IPO11: variants seen among roughly 807,000 people sequenced by gnomAD.
The protein encoded by IPO11 is importin-11.
IPO11 carries 66 observed loss-of-function variants against 143.2 expected under a neutral mutation model. The ratio of observed to expected loss-of-function variants is 0.46; its 90% CI spans 0.38 to 0.57. The LOEUF (loss-of-function observed/expected upper bound fraction) is 0.57. Among genes scored for constraint, IPO11 ranks in the 20% least tolerant of loss-of-function variants. The pLI, the probability that IPO11 is intolerant of heterozygous loss-of-function variation, is 0.00. For missense variants in IPO11, 1,026 were observed against 1,141.0 expected, an observed-to-expected ratio of 0.90 and a Z score of 1.45; for synonymous variants, 385 against 377.8, an observed-to-expected ratio of 1.02 and a Z score of -0.22.
intron 20 of IPO11, among the ~76,000 whole-genome samples, chr5:62,525,692 CT>C (rs1367578115): frequency 6.6e-6 from 1 of 152,164 alleles, no homozygotes; most frequent in African/African-American, 2.4e-5. Context: ...CCCCTAAAAT[CT>C]TTTTTAATGG....
intron 19 of IPO11, among the ~76,000 whole-genome samples, chr5:62,509,020 C>G (rs1346969555): frequency 6.6e-6 from 1 of 152,198 alleles, no homozygotes; most frequent in Non-Finnish European, 1.5e-5. Flanking sequence ...ATAGTGCTTT[C>G]TGACACATAC....
chr5:62,482,573 C>T (rs1336025429), intron 9 of IPO11, among the ~76,000 whole-genome samples: 4 of 152,136 alleles, frequency 2.6e-5, no homozygotes, highest in Non-Finnish European at 5.9e-5. Flanking sequence ...CTTATTTTAA[C>T]AGCTGTTGAT....
At chr5:62,487,506 C>G (rs560499323) in intron 12 of IPO11, among the ~76,000 whole-genome samples, 1 of 152,022 alleles carries the variant, frequency 6.6e-6, no homozygotes, top group Non-Finnish European at 1.5e-5. Flanking sequence ...GTACACTTTG[C>G]TTGCCATAGT....
intron 13 of IPO11, 36 bp from the exon 14 acceptor site, chr5:62,489,266 C>G (rs1561332022): frequency 8.0e-7 from 1 of 1,253,152 alleles, no homozygotes; most frequent in Non-Finnish European, 1.1e-6. Flanking sequence ...GTTTTATTTG[C>G]TTTTACTGAT....
chr5:62,424,607 TA>T (rs1325302966), intron 1 of IPO11, among the ~76,000 whole-genome samples: 2 of 151,560 alleles, frequency 1.3e-5, no homozygotes, highest in African/African-American at 4.8e-5. Context: ...TTTTAATTTT[TA>T]TTTTTTGTAG....
intron 29 of IPO11, among the ~76,000 whole-genome samples, chr5:62,610,441 A>G (rs1745886502): frequency 6.6e-6 from 1 of 152,190 alleles, no homozygotes; most frequent in Non-Finnish European, 1.5e-5. Context: ...TTTACTATTA[A>G]TTTTTATCCA....
At chr5:62,523,611 T>TGAA (rs1468063133) in intron 20 of IPO11, among the ~76,000 whole-genome samples, 5 of 152,164 alleles carry the variant, frequency 3.3e-5, no homozygotes, top group African/African-American at 4.8e-5. Flanking sequence ...TCTTCTTCTT[T>TGAA]GAAGAAGAAC....
chr5:62,528,431 C>G (rs1742435881), intron 21 of IPO11, among the ~76,000 whole-genome samples: 1 of 152,074 alleles, frequency 6.6e-6, no homozygotes, highest in Admixed American at 6.6e-5. Flanking sequence ...TGTTTGAGAG[C>G]TTTTACTATT....
intron 10 of IPO11, 114 bp from the exon 11 acceptor site, chr5:62,483,896 T>C (rs1403874309): frequency 2.4e-6 from 2 of 846,946 alleles, no homozygotes; most frequent in Non-Finnish European, 3.6e-6. Flanking sequence ...TGAAAATTTA[T>C]ACACAAGTGT....
chr5:62,486,260 G>A lies in IPO11; in HGVS notation c.1218+798G>A, dbSNP rs1022114033. The stretch of plus-strand genomic sequence containing the variant: ...CTCCCTAAGTGCTGGGATTACAGGC[G>A]TGAGCCACTGTGCCTGGCCTTTTCT... On this transcript the variant is annotated intron_variant, in intron 12 of 29. Transcript: ENST00000325324. Among the ~76,000 whole-genome samples the A allele has an allele frequency of 1.8e-4, 27 of 152,266 alleles. 1 individual carries two copies. Among genetic ancestry groups the A allele is most frequent in the African/African-American group, 5.5e-4 (23 of 41,564 alleles).
At chr5:62,559,129 G>T (rs989431971) in intron 26 of IPO11, among the ~76,000 whole-genome samples, 1 of 152,144 alleles carries the variant, frequency 6.6e-6, no homozygotes, top group Non-Finnish European at 1.5e-5. Context: ...GCTGCTGGCT[G>T]ATCAGGATGG....
intron 11 of IPO11, among the ~76,000 whole-genome samples, chr5:62,484,815 T>G (rs1746337844): frequency 6.6e-6 from 1 of 152,046 alleles, no homozygotes; most frequent in African/African-American, 2.4e-5. Flanking sequence ...TTTGTAATAC[T>G]TATCTTCGCC....
At chr5:62,504,822 CTT>C (rs763130140) in intron 17 of IPO11, 34 bp from the exon 18 acceptor site, 2 of 1,443,094 alleles carry the variant, frequency 1.4e-6, no homozygotes, top group East Asian at 2.3e-5. Flanking sequence ...TTTGATAAAA[CTT>C]ATATATTCTC....
intron 1 of IPO11, among the ~76,000 whole-genome samples, chr5:62,433,788 C>T (rs2112121761): frequency 6.6e-6 from 1 of 152,158 alleles, no homozygotes; most frequent in South Asian, 2.1e-4. Context: ...TTGCTGTGTG[C>T]ATTTATGTTC....
chr5:62,435,100 GTA>G lies in IPO11; in HGVS notation c.-6-2166_-6-2165del, dbSNP rs1338717489. Among the ~76,000 whole-genome samples the G allele has an allele frequency of 9.9e-3, 615 of 62,088 alleles. 12 individuals are homozygous for G. The highest frequency in any genetic ancestry group is 0.024 in the East Asian group (48 of 1,988). The allele number at this position is 62,088 out of a possible 152,430, so 40.7% of individuals were successfully genotyped here. ...TATATATGTGTATATATGTATATAT[GTA>G]TATATATGTATATATGTATATATGT... On this transcript the variant is annotated intron_variant, in intron 1 of 29. Transcript: ENST00000325324.
intron 20 of IPO11, among the ~76,000 whole-genome samples, chr5:62,519,453 G>A (rs1742135991): frequency 6.6e-6 from 1 of 152,018 alleles, no homozygotes; most frequent in Non-Finnish European, 1.5e-5. Flanking sequence ...AAGCATTGTA[G>A]GCATTACTTC....
intron 14 of IPO11, 77 bp downstream of exon 14, chr5:62,489,426 C>A: frequency 9.4e-7 from 1 of 1,058,594 alleles, no homozygotes; most frequent in Non-Finnish European, 1.4e-6. Flanking sequence ...AGATTTTGTG[C>A]TGAGGGTGTT....
chr5:62,550,960 A>T (rs1212870031), intron 25 of IPO11, among the ~76,000 whole-genome samples: 1 of 151,150 alleles, frequency 6.6e-6, no homozygotes, highest in African/African-American at 2.4e-5. Context: ...CATCTCAAAA[A>T]AAAAAAAAAA....
Position 62,439,000 on chromosome 5 carries a change from A to C in IPO11, c.138+1583A>C, listed in dbSNP as rs1320699192. Among the ~76,000 whole-genome samples, 3 of 150,968 alleles carry C rather than the reference A, an allele frequency of 2.0e-5. No homozygotes were observed. In the East Asian group the frequency reaches 6.0e-4, roughly 30 times the overall value. ...TGTGAACCCAGGAAGCAGAGCTTGC[A>C]GTGAGTGGAGATTGCACCACTGCAT... On this transcript the variant is annotated intron_variant, in intron 2 of 29. Coordinates refer to ENST00000325324, the MANE Select transcript of IPO11 (RefSeq NM_016338.5).
Sources: gnomAD v4.1 joint callset for allele counts (sites outside exome capture counted in the v4.1 genomes callset) on GRCh38, gnomAD v4.1.1 for gene constraint, MANE v1.5 for transcripts, NCBI Gene and HGNC (gene_info 2026-07-23, HGNC 2026-07-21) for gene names.